FBXW8: variants seen among roughly 807,000 people sequenced by gnomAD.
The protein encoded by FBXW8 is F-box and WD repeat domain containing 8.
In FBXW8, 57 loss-of-function variants were observed where a neutral mutation model predicts 65.3. The observed-to-expected ratio is 0.87, with a 90% CI of 0.71 to 1.09. The LOEUF is 1.09. FBXW8 is among the 50% of genes least tolerant of loss of function. FBXW8 has a pLI of 0.00. For missense variants in FBXW8, 777 were observed against 814.8 expected (o/e 0.95, Z 0.57); for synonymous variants, 308 against 330.2 (o/e 0.93, Z 0.73).
intron 2 of FBXW8, among the ~76,000 whole-genome samples, chr12:116,937,115 A>G (rs567090021): frequency 6.6e-6 from 1 of 152,188 alleles, no homozygotes; most frequent in African/African-American, 2.4e-5. Context: ...GAAGGAAGAG[A>G]GTCAACAAGG....
intron 4 of FBXW8, among the ~76,000 whole-genome samples, chr12:116,959,768 C>T (rs755740375): frequency 6.6e-6 from 1 of 152,178 alleles, no homozygotes; most frequent in East Asian, 1.9e-4. Flanking sequence ...GAGAGAGGCT[C>T]TATTCCCATT....
At chr12:116,999,014 G>A (rs1953445605) in intron 7 of FBXW8, among the ~76,000 whole-genome samples, 1 of 152,212 alleles carries the variant, frequency 6.6e-6, no homozygotes, top group Admixed American at 6.5e-5. Context: ...CTTCTATAGG[G>A]CACTGTGTTA....
intron 2 of FBXW8, among the ~76,000 whole-genome samples, chr12:116,934,178 C>T (rs118166350): frequency 0.018 from 2,765 of 152,262 alleles, 39 homozygotes; most frequent in Middle Eastern, 0.034. Context: ...CATATCCCCT[C>T]CTCTTTTTTT....
chr12:116,985,375 A>G lies in FBXW8; in HGVS notation c.1005A>G (p.Ile335Met). The G allele has an allele frequency of 1.2e-6, 2 of 1,610,808 alleles. No homozygotes were observed. The highest frequency in any genetic ancestry group is 1.1e-5 in the South Asian group (1 of 89,968). ...LSPNEEGYWQ[I>M]AAEFEVPKLV... ...CCAATGAGGAGGGGTACTGGCAGAT[A>G]GCTGCGGAATTTGAAGTTCCGAAAC... Residue 335 changes from isoleucine to methionine, a missense_variant, in exon 6 of 11, where the codon ATA becomes ATG. Physicochemically the swap from Ile to Met is conservative, Grantham distance 10. Transcript: ENST00000652555.
chr12:116,915,416 C>G (rs1880324699), intron 1 of FBXW8, among the ~76,000 whole-genome samples: 1 of 152,154 alleles, frequency 6.6e-6, no homozygotes, highest in South Asian at 2.1e-4. Flanking sequence ...TATGTATTGA[C>G]CTTTACAAGG....
chr12:117,010,391 G>C lies in FBXW8; in HGVS notation c.1308G>C (p.Thr436=), dbSNP rs146667375. 1.2e-6 allele frequency: 2 copies of C among 1,600,912 alleles called. No individual in the cohort carries two copies. Among genetic ancestry groups the C allele is most frequent in the Non-Finnish European group, 1.7e-6 (2 of 1,168,042 alleles). The change falls in exon 8 of 11, where the codon ACG becomes ACC. Residue 436 remains threonine, a synonymous_variant. Coordinates refer to ENST00000652555, the MANE Select transcript of FBXW8 (RefSeq NM_153348.3). ...LKLGNVLRDF[T]CVNLSDSPPN... ...TGGGTAACGTTCTCCGTGACTTCAC[G>C]TGTGTCAACCTCAGCGACAGCCCTC...
At chr12:116,948,427 A>C (rs1447464951) in intron 3 of FBXW8, among the ~76,000 whole-genome samples, 1 of 152,178 alleles carries the variant, frequency 6.6e-6, no homozygotes, top group Non-Finnish European at 1.5e-5. Flanking sequence ...CCTTGGATTA[A>C]GTTAAGACCA....
intron 7 of FBXW8, among the ~76,000 whole-genome samples, chr12:116,991,319 G>C (rs1442689671): frequency 1.3e-5 from 2 of 152,184 alleles, no homozygotes; most frequent in Admixed American, 6.5e-5. Flanking sequence ...CCATCTGATT[G>C]TGCTTAATGG....
chr12:116,982,417 A>C (rs1363492387), intron 5 of FBXW8, among the ~76,000 whole-genome samples: 1 of 152,230 alleles, frequency 6.6e-6, no homozygotes, highest in Admixed American at 6.5e-5. Flanking sequence ...ATAAAGAATC[A>C]ACTCATCAAG....
rs554741600 is a variant in FBXW8 at position 116,971,914 on chromosome 12, G to A, written c.835+7060G>A. Among the ~76,000 whole-genome samples, 7 of 152,232 alleles carry A rather than the reference G, an allele frequency of 4.6e-5. No homozygotes were observed. The South Asian group carries it at 1.5e-3, about 32-fold the overall frequency. ...ACAGTGAATTTTTAGGAATCTACAA[G>A]CCCTCAAAGTTAAGAAACACTGGAA... On this transcript the variant is annotated intron_variant, in intron 5 of 10. Transcript: ENST00000652555.
At chr12:116,988,987 G>A in intron 7 of FBXW8, 118 bp downstream of exon 7, 3 of 913,724 alleles carry the variant, frequency 3.3e-6, no homozygotes, top group Admixed American at 2.8e-5. Flanking sequence ...CAGTATATAA[G>A]CATGGTCAAA....
intron 2 of FBXW8, among the ~76,000 whole-genome samples, chr12:116,941,159 T>TG (rs142512164): frequency 1.3e-5 from 2 of 152,138 alleles, no homozygotes; most frequent in Admixed American, 6.5e-5. Flanking sequence ...ATCAGACTGA[T>TG]GGGGGAGGTC....
chr12:117,022,260 G>GCCATTTACTCATCTAAGTTTTCAGATTT (rs1481779899), intron 8 of FBXW8, among the ~76,000 whole-genome samples: 2 of 151,820 alleles, frequency 1.3e-5, no homozygotes, highest in Non-Finnish European at 1.5e-5. Flanking sequence ...TTCCCAGAAA[G>GCCATTTACTCATCTAAGTTTTCAGATTT]CCATTTACTC....
chr12:116,945,612 T>A, intron 3 of FBXW8, 84 bp downstream of exon 3: 1 of 1,401,428 alleles, frequency 7.1e-7, no homozygotes, highest in Non-Finnish European at 9.8e-7. Flanking sequence ...AGCCTGAGAT[T>A]AATTGCCAAC....
chr12:116,978,209 C>A (rs1885076089), intron 5 of FBXW8: 1 of 152,170 alleles, frequency 6.6e-6, no homozygotes, highest in Non-Finnish European at 1.5e-5. Context: ...TTTTTCGTGA[C>A]CCTCCGTGGT....
intron 7 of FBXW8, among the ~76,000 whole-genome samples, chr12:116,997,337 G>A (rs2135689475): frequency 6.6e-6 from 1 of 152,276 alleles, no homozygotes; most frequent in Middle Eastern, 3.4e-3. Flanking sequence ...ATCCTGGAAG[G>A]GAGTGATAAA....
chr12:116,933,046 CTG>C (rs1371645163), intron 2 of FBXW8, among the ~76,000 whole-genome samples: 1 of 152,096 alleles, frequency 6.6e-6, no homozygotes, highest in East Asian at 1.9e-4. Context: ...GAAGTGTAAA[CTG>C]TGCTCAGAGC....
chr12:116,981,925 T>C (rs1014858476), intron 5 of FBXW8, among the ~76,000 whole-genome samples: 9 of 152,122 alleles, frequency 5.9e-5, no homozygotes, highest in Admixed American at 1.3e-4. Flanking sequence ...AAAGTTCTTA[T>C]ATAACATGTG....
chr12:116,927,937 A>G, intron 1 of FBXW8, 86 bp from the exon 2 acceptor site: 2 of 762,554 alleles, frequency 2.6e-6, no homozygotes, highest in South Asian at 3.6e-5. Context: ...ACCTAAGAAT[A>G]TCTCTGGTCA....
Sources: allele counts gnomAD v4.1 joint callset (sites outside exome capture counted in the v4.1 genomes callset), GRCh38; gene constraint gnomAD v4.1.1; transcripts MANE v1.5; gene names NCBI Gene and HGNC (gene_info 2026-07-23, HGNC 2026-07-21).